KIF15: variants seen among roughly 807,000 people sequenced by gnomAD.
The protein encoded by KIF15 is kinesin family member 15, also known as kinesin-like protein KIF15.
A neutral mutation model predicts 190.6 loss-of-function variants in KIF15; 140 were observed. That is an observed-to-expected ratio of 0.73 (90% confidence interval 0.64 to 0.84). KIF15 has a LOEUF of 0.84. Ranked by LOEUF, KIF15 falls within the 40% of genes least tolerant of loss-of-function variation. KIF15 has a pLI of 0.00. For missense variants in KIF15, 1,372 were observed against 1,584.4 expected, an observed-to-expected ratio of 0.87 and a Z score of 2.28; for synonymous variants, 528 against 551.3, an observed-to-expected ratio of 0.96 and a Z score of 0.59.
intron 16 of KIF15, 46 bp from the exon 17 acceptor site, chr3:44,810,799 CT>C (rs758635857): frequency 3.8e-5 from 54 of 1,437,674 alleles, no homozygotes; most frequent in Non-Finnish European, 5.0e-5. Context: ...TAAATATGCC[CT>C]TTTTAAATAT....
chr3:44,770,185 C>A (rs1004709001), intron 1 of KIF15, among the ~76,000 whole-genome samples: 3 of 152,210 alleles, frequency 2.0e-5, no homozygotes, highest in Non-Finnish European at 4.4e-5. Flanking sequence ...CATAATTTAT[C>A]TCTCTCCAGT....
intron 15 of KIF15, 93 bp from the exon 16 acceptor site, chr3:44,805,752 A>G: frequency 3.5e-6 from 4 of 1,137,620 alleles, no homozygotes; most frequent in Non-Finnish European, 5.1e-6. Context: ...AGAGATAACT[A>G]TAAAGTTATG....
chr3:44,807,413 C>T (rs1007956636), intron 16 of KIF15, among the ~76,000 whole-genome samples: 8 of 151,616 alleles, frequency 5.3e-5, no homozygotes, highest in South Asian at 2.1e-4. Context: ...TTAGTAGAGA[C>T]GAGGTTTCAC....
chr3:44,852,050 CAGAGTTGCTTTATTGTATGA>C, intron 33 of KIF15, 98 bp downstream of exon 33: 1 of 1,456,390 alleles, frequency 6.9e-7, no homozygotes, highest in Non-Finnish European at 9.3e-7. Flanking sequence ...GTCCTTAGTT[CAGAGTTGCTTTATTGTATGA>C]AGAGTTGTGA....
intron 30 of KIF15, among the ~76,000 whole-genome samples, chr3:44,844,526 G>A (rs931338583): frequency 3.3e-5 from 5 of 152,076 alleles, no homozygotes; most frequent in African/African-American, 7.2e-5. Flanking sequence ...GAACATTTCC[G>A]GATCATTTGT....
intron 6 of KIF15, chr3:44,863,846 G>C: frequency 3.9e-6 from 1 of 253,556 alleles, no homozygotes; most frequent in Non-Finnish European, 7.8e-6. Flanking sequence ...AGAACTACTT[G>C]GCCCTCTGGG....
chr3:44,813,127 C>G lies in KIF15; in HGVS notation c.2330C>G (p.Ser777Ter). 1 of 1,600,978 alleles carries G rather than the reference C, an allele frequency of 6.2e-7. No individual in the cohort carries two copies. Among genetic ancestry groups the G allele is most frequent in the Non-Finnish European group, 8.5e-7 (1 of 1,176,114 alleles). Residue 777 changes from serine (S) to a stop codon, truncating the protein, a stop_gained, in exon 19 of 35, where the codon TCA becomes TGA. Coordinates refer to ENST00000326047, the MANE Select transcript of KIF15 (RefSeq NM_020242.3). LOFTEE classifies it high-confidence loss of function. The stretch of plus-strand genomic sequence containing the variant: ...ACCAAACAGCAGGAAGAGCTTCTCT[C>G]ACAGTTGAATGTCCTTGAAAAGCAG... The part of the protein sequence containing the change: ...DWTKQQEELL[S>*]QLNVLEKQLQ...
chr3:44,830,825 C>G (rs952209255), intron 25 of KIF15, 71 bp from the exon 26 acceptor site: 3 of 1,493,306 alleles, frequency 2.0e-6, no homozygotes, highest in South Asian at 1.2e-5. Flanking sequence ...GGAACCCAGA[C>G]TCATTCTTGT....
intron 30 of KIF15, among the ~76,000 whole-genome samples, chr3:44,846,739 A>C (rs1698863831): frequency 6.7e-6 from 1 of 148,434 alleles, no homozygotes. Flanking sequence ...GCACTGTTGC[A>C]TTCCAGCCTG....
chr3:44,799,833 G>A (rs1366815054), intron 10 of KIF15, among the ~76,000 whole-genome samples: 1 of 151,610 alleles, frequency 6.6e-6, no homozygotes, highest in Non-Finnish European at 1.5e-5. Context: ...AATAAAGGTC[G>A]GATTCCTCTG....
intron 32 of KIF15, among the ~76,000 whole-genome samples, chr3:44,850,875 A>C (rs1312315032): frequency 6.6e-6 from 1 of 152,214 alleles, no homozygotes; most frequent in East Asian, 1.9e-4. Context: ...GTATTATATC[A>C]TTTCAGTAAT....
intron 20 of KIF15, among the ~76,000 whole-genome samples, chr3:44,823,108 G>A (rs1697443741): frequency 6.6e-6 from 1 of 152,132 alleles, no homozygotes; most frequent in African/African-American, 2.4e-5. Context: ...AGAATTTTCA[G>A]CTTTTCTCCT....
chr3:44,817,343 A>C (rs1170487712), intron 20 of KIF15, among the ~76,000 whole-genome samples: 1 of 152,198 alleles, frequency 6.6e-6, no homozygotes, highest in African/African-American at 2.4e-5. Context: ...GGTATTGCCT[A>C]GGTTTTCTTC....
chr3:44,775,587 C>T, intron 3 of KIF15, 150 bp downstream of exon 3: 2 of 577,914 alleles, frequency 3.5e-6, no homozygotes, highest in Non-Finnish European at 6.1e-6. Flanking sequence ...TCCCGAGTAG[C>T]TAGGACTACA....
intron 20 of KIF15, among the ~76,000 whole-genome samples, chr3:44,819,223 GT>G (rs1297922401): frequency 8.5e-5 from 13 of 152,190 alleles, no homozygotes; most frequent in Admixed American, 2.0e-4. Context: ...TTTCTGAAGG[GT>G]TTTTTATGTC....
chr3:44,800,543 C>G, intron 11 of KIF15, 106 bp downstream of exon 11: 1 of 1,204,602 alleles, frequency 8.3e-7, no homozygotes, highest in Non-Finnish European at 1.2e-6. Flanking sequence ...AATTTTTCTG[C>G]AGGTATCTCT....
rs1697655793 is a variant in KIF15, at chr3:44,826,443, T to C, written c.2769T>C (p.Asp923=). 1 of 1,609,960 alleles carries C rather than the reference T, an allele frequency of 6.2e-7. No homozygotes were observed. Among genetic ancestry groups the C allele is most frequent in the East Asian group, 2.2e-5 (1 of 44,824 alleles). Residue 923 remains aspartate, a synonymous_variant, in exon 22 of 35, where the codon GAT becomes GAC. Transcript: ENST00000326047. The part of the protein sequence containing the change: ...NNKLSLQFEE[D]KENSSKEILK... ...AATTATCATTACAGTTTGAAGAAGATAAAGAAAACAGTTCTAAGTGAGTGC... is the reference window on the plus strand; with the variant it reads ...AATTATCATTACAGTTTGAAGAAGACAAAGAAAACAGTTCTAAGTGAGTGC...
intron 6 of KIF15, 48 bp downstream of exon 6, chr3:44,784,990 A>G: frequency 4.2e-6 from 4 of 957,438 alleles, no homozygotes; most frequent in African/African-American, 1.6e-5. Context: ...TCTAATTTTG[A>G]ATAGGTAGCT....
chr3:44,840,767 C>G (rs1016766834), intron 28 of KIF15, among the ~76,000 whole-genome samples: 4 of 139,820 alleles, frequency 2.9e-5, no homozygotes, highest in African/African-American at 7.9e-5. Flanking sequence ...CTCCCAGGTT[C>G]AAGCAATTCT....
Sources: allele counts gnomAD v4.1 joint callset (sites outside exome capture counted in the v4.1 genomes callset), GRCh38; gene constraint gnomAD v4.1.1; transcripts MANE v1.5; gene names NCBI Gene and HGNC (gene_info 2026-07-23, HGNC 2026-07-21).